Variants in ABHD12 observed in about 807,000 individuals in gnomAD.
The protein encoded by ABHD12 is abhydrolase domain containing 12, lysophospholipase.
ABHD12 carries 43 observed loss-of-function variants against 58.3 expected under a neutral mutation model. That is an observed-to-expected ratio of 0.74 (90% CI 0.58 to 0.95). The LOEUF is 0.95. Among genes scored for constraint, ABHD12 ranks in the 40% least tolerant of loss-of-function variants. The pLI is 0.00. For missense variants in ABHD12, 539 were observed against 537.2 expected, an observed-to-expected ratio of 1.00 and a Z score of -0.03; for synonymous variants, 219 against 211.2, an observed-to-expected ratio of 1.04 and a Z score of -0.32.
At chr20:25,338,435 C>T (rs957427065) in intron 2 of ABHD12, among the ~76,000 whole-genome samples, 2 of 152,234 alleles carry the variant, frequency 1.3e-5, no homozygotes, top group Non-Finnish European at 2.9e-5. Flanking sequence ...GTGCGAGCCC[C>T]GTTGTTCTCA....
At chr20:25,318,714 T>C (rs538083198) in intron 4 of ABHD12, among the ~76,000 whole-genome samples, 1 of 152,072 alleles carries the variant, frequency 6.6e-6, no homozygotes, top group African/African-American at 2.4e-5. Flanking sequence ...CTGAACCTTA[T>C]TCACAGCCAA....
chr20:25,309,691 C>T (rs971458070), intron 6 of ABHD12, 116 bp from the exon 7 acceptor site: 28 of 1,492,984 alleles, frequency 1.9e-5, no homozygotes, highest in Non-Finnish European at 2.5e-5. Flanking sequence ...CCCGCTTGGC[C>T]CACCCTTCCA....
intron 1 of ABHD12, among the ~76,000 whole-genome samples, chr20:25,384,689 G>A: frequency 6.6e-6 from 1 of 152,132 alleles, no homozygotes; most frequent in Non-Finnish European, 1.5e-5. Context: ...AGGCTGCAGT[G>A]AGCCATGACT....
At chr20:25,301,199 C>G (rs1373237461) in intron 12 of ABHD12, among the ~76,000 whole-genome samples, 3 of 152,182 alleles carry the variant, frequency 2.0e-5, no homozygotes, top group Admixed American at 1.3e-4. Context: ...ATTATAACCG[C>G]AAAGCAAACC....
chr20:25,334,800 C>T (rs541429448), intron 2 of ABHD12, among the ~76,000 whole-genome samples: 5 of 147,006 alleles, frequency 3.4e-5, no homozygotes, highest in Non-Finnish European at 7.5e-5. Context: ...ATACAAAAAT[C>T]AATTCAAGAT....
chr20:25,324,521 C>T (rs2089139864), intron 2 of ABHD12, among the ~76,000 whole-genome samples: 2 of 152,242 alleles, frequency 1.3e-5, no homozygotes, highest in Admixed American at 6.5e-5. Context: ...GAGGCAATGA[C>T]AGAGAGCAGT....
intron 6 of ABHD12, chr20:25,310,136 C>T (rs550642228): frequency 2.5e-5 from 4 of 157,824 alleles, no homozygotes; most frequent in African/African-American, 7.2e-5. Context: ...CGAGCCCTGA[C>T]GAGCAGCAGT....
At chr20:25,326,766 G>A (rs2089183636) in intron 2 of ABHD12, among the ~76,000 whole-genome samples, 1 of 151,710 alleles carries the variant, frequency 6.6e-6, no homozygotes. Context: ...AACAACTATG[G>A]TATACCTGTT....
At chr20:25,295,134 G>A in intron 12 of ABHD12, 1 of 1,264,468 alleles carries the variant, frequency 7.9e-7, no homozygotes, top group Non-Finnish European at 1.2e-6. Flanking sequence ...CATAAATCTG[G>A]CATTTTTGTT....
At chr20:25,350,897 C>T (rs138071604) in intron 1 of ABHD12, among the ~76,000 whole-genome samples, 2 of 151,076 alleles carry the variant, frequency 1.3e-5, no homozygotes, top group African/African-American at 4.9e-5. Flanking sequence ...ACCTTGGATA[C>T]CAGAGCATTT....
chr20:25,366,856 G>A (rs1195098840), intron 1 of ABHD12, among the ~76,000 whole-genome samples: 2 of 152,114 alleles, frequency 1.3e-5, no homozygotes, highest in African/African-American at 4.8e-5. Flanking sequence ...TCTCTGTCCT[G>A]TCACACTGGC....
In ABHD12 at chr20:25,372,554, A is replaced by G. The variant is rs149498797; in HGVS notation, c.191+17959T>C. On this transcript the variant is annotated intron_variant, in intron 1 of 12. Transcript: ENST00000339157. Reference sequence around the variant, plus strand: ...AAACTTCACTATTTTGCCTTTGAAGATATTTGGGGTGGGAGGAATGACAAC... The same window carrying G: ...AAACTTCACTATTTTGCCTTTGAAGGTATTTGGGGTGGGAGGAATGACAAC... Among the ~76,000 whole-genome samples the G allele has an allele frequency of 7.2e-5, 11 of 152,214 alleles. No homozygotes were observed. In the East Asian group the frequency reaches 2.1e-3, roughly 29 times the overall value.
chr20:25,301,026 C>A, intron 12 of ABHD12, 142 bp from the exon 13 acceptor site: 1 of 846,704 alleles, frequency 1.2e-6, no homozygotes, highest in South Asian at 1.4e-5. Flanking sequence ...CGCTGTAGCC[C>A]AGAGCAGCAC....
Position 25,390,602 on chromosome 20 carries a change from G to A in ABHD12, c.102C>T (p.Cys34=), listed in dbSNP as rs1446309128. 8 of 1,470,528 alleles carry A rather than the reference G, an allele frequency of 5.4e-6. No homozygotes were observed. Among genetic ancestry groups the A allele is most frequent in the South Asian group, 5.1e-5 (4 of 78,426 alleles). 91.1% of individuals were successfully genotyped at this position (1,470,528 alleles called of 1,614,324 possible). Residue 34 remains cysteine, a synonymous_variant, in exon 1 of 13, where the codon TGC becomes TGT. Coordinates refer to ENST00000339157, the MANE Select transcript of ABHD12 (RefSeq NM_001042472.3). ...TCAGGCGTAGGTTCTGCTTCAGGCG[G>A]CAGTCGGCGTCCAGCGCCGCGGCGG... The part of the protein sequence containing the change: ...GSAAAALDAD[C]RLKQNLRLTG...
intron 1 of ABHD12, among the ~76,000 whole-genome samples, chr20:25,384,842 A>G (rs2090067829): frequency 6.6e-6 from 1 of 152,230 alleles, no homozygotes. Context: ...GCCAGGCAGC[A>G]ACAGGACAGG....
At position 25,390,512 on chromosome 20, in the gene ABHD12, C is replaced by A; in HGVS notation, c.191+1G>T. 6.9e-7 allele frequency: 1 copy of A among 1,450,650 alleles called. No individual in the cohort carries two copies. The highest frequency in any genetic ancestry group is 9.0e-7 in the Non-Finnish European group (1 of 1,106,210). The allele number at this position is 1,450,650 out of a possible 1,614,324, so 89.9% of individuals were successfully genotyped here. On this transcript the variant is annotated splice_donor_variant, in intron 1 of 12. Coordinates refer to ENST00000339157, the MANE Select transcript of ABHD12 (RefSeq NM_001042472.3). LOFTEE classifies it high-confidence loss of function. ...CCCCCCCGCTCCGCGCGAAGCCTCA[C>A]CTGCCCAGCGCCCGCTTCATTCCCG...
At chr20:25,339,169 T>C in intron 2 of ABHD12, 58 bp downstream of exon 2, 1 of 1,606,834 alleles carries the variant, frequency 6.2e-7, no homozygotes, top group Non-Finnish European at 8.5e-7. Flanking sequence ...AAATCAGACA[T>C]CACCATGAAA....
rs146802045 is a variant in ABHD12, at chr20:25,338,995, G to A, written c.316+232C>T. 433 of 1,295,046 alleles carry A rather than the reference G, an allele frequency of 3.3e-4. 1 individual carries two copies. The highest frequency in any genetic ancestry group is 4.0e-4 in the Non-Finnish European group (407 of 1,013,074). 80.2% of individuals were successfully genotyped at this position (1,295,046 alleles called of 1,614,324 possible). A position where few individuals can be genotyped will look rare whatever the true frequency, so the allele number is the denominator to read the frequency against. On this transcript the variant is annotated intron_variant, in intron 2 of 12. Transcript: ENST00000339157. ...CAGAAAGTCCTCCAGCTGGGAAGGG[G>A]CACAGGGACCTTTTTGGGTAATAAA... is the stretch of plus-strand genomic sequence containing the variant.
intron 1 of ABHD12, among the ~76,000 whole-genome samples, chr20:25,359,071 C>A (rs1462008000): frequency 1.3e-5 from 2 of 151,086 alleles, no homozygotes; most frequent in Non-Finnish European, 2.9e-5. Context: ...ATACAATTAC[C>A]CTAGCATGCA....
Sources: allele counts gnomAD v4.1 joint callset (sites outside exome capture counted in the v4.1 genomes callset), GRCh38; gene constraint gnomAD v4.1.1; transcripts MANE v1.5; gene names NCBI Gene and HGNC (gene_info 2026-07-23, HGNC 2026-07-21).